The following SYK variants were observed in gnomAD, a reference collection of about 807,000 sequenced individuals.
SYK encodes the protein spleen associated tyrosine kinase.
In SYK, 16 loss-of-function variants were observed where a neutral mutation model predicts 77.8. That is an observed-to-expected ratio of 0.21 (90% CI 0.14 to 0.31). The LOEUF (loss-of-function observed/expected upper bound fraction) is 0.31. Ranked by LOEUF, SYK falls within the 10% of genes least tolerant of loss-of-function variation. The pLI, the probability that SYK is intolerant of heterozygous loss-of-function variation, is 1.00. For missense variants in SYK, 529 were observed against 814.4 expected, an observed-to-expected ratio of 0.65 and a Z score of 4.26; for synonymous variants, 312 against 308.7, an observed-to-expected ratio of 1.01 and a Z score of -0.11.
At chr9:90,840,558 A>G (rs77695434) in intron 1 of SYK, among the ~76,000 whole-genome samples, 1 of 151,100 alleles carries the variant, frequency 6.6e-6, no homozygotes, top group Non-Finnish European at 1.5e-5. Flanking sequence ...CTCTTCTAAA[A>G]AAAAAAAAAA....
intron 1 of SYK, among the ~76,000 whole-genome samples, chr9:90,841,628 G>A (rs1826350419): frequency 2.7e-5 from 4 of 150,906 alleles, no homozygotes; most frequent in African/African-American, 7.3e-5. Flanking sequence ...TGTGTGTAGT[G>A]TGTATGTAGT....
intron 11 of SYK, among the ~76,000 whole-genome samples, chr9:90,887,230 T>C (rs543402991): frequency 1.7e-4 from 26 of 152,296 alleles, no homozygotes; most frequent in African/African-American, 6.3e-4. Flanking sequence ...CTCATGCATA[T>C]TGTAGTGAAT....
In SYK at chr9:90,887,802, C is replaced by G. The variant is rs776473897; in HGVS notation, c.1635C>G (p.Asn545Lys). ...AGTGGTACGCTCCGGAATGCATCAA[C>G]TACTACAAGTTCTCCAGCAAAAGCG... The part of the protein sequence containing the change: ...PVKWYAPECI[N>K]YYKFSSKSDV... The change falls in exon 12 of 14, where the codon AAC (asparagine) becomes AAG (lysine). Residue 545 changes from asparagine to lysine, a missense_variant. By Grantham distance (94) the Asn-to-Lys change is moderately conservative (BLOSUM62 0). Coordinates refer to ENST00000375754, the MANE Select transcript of SYK (RefSeq NM_003177.7). 1 of 1,613,814 alleles carries G rather than the reference C, an allele frequency of 6.2e-7. No individual in the cohort carries two copies. The highest frequency in any genetic ancestry group is 8.5e-7 in the Non-Finnish European group (1 of 1,179,892).
At chr9:90,864,064 T>C (rs1368855353) in intron 4 of SYK, among the ~76,000 whole-genome samples, 1 of 152,228 alleles carries the variant, frequency 6.6e-6, no homozygotes, top group Non-Finnish European at 1.5e-5. Context: ...TTCCCATGCA[T>C]GATTTCATTG....
chr9:90,841,675 AGTTT>A (rs1398023716), intron 1 of SYK, among the ~76,000 whole-genome samples: 1 of 144,792 alleles, frequency 6.9e-6, no homozygotes, highest in Non-Finnish European at 1.5e-5. Flanking sequence ...GTGTGTATGT[AGTTT>A]GTGTGTGATA....
At position 90,895,740 on chromosome 9, in the gene SYK, A is replaced by G. The variant is rs1813029454; in HGVS notation, c.*140A>G. 2.7e-6 allele frequency: 2 copies of G among 739,522 alleles called. No individual in the cohort carries two copies. The allele number at this position is 739,522 out of a possible 1,614,324, so 45.8% of individuals were successfully genotyped here. ...GGATGGAACATGCCCACAACTTGTC[A>G]CCCAAAGCCTGTCCCAGGACTCACC... On this transcript the variant is annotated 3_prime_UTR_variant, in exon 14 of 14. Transcript: ENST00000375754. The surrounding 1 kb of genome is among the most constrained non-coding windows in gnomAD (Gnocchi z 4.4).
chr9:90,865,064 A>G lies in SYK; in HGVS notation c.813A>G (p.Gly271=). ...KIGTQGNVNF[G]GRPQLPGSHP... ...TCTAACCAGGAAATGTTAATTTTGG[A>G]GGCCGTCCACAACTTCCAGGTTCCC... Residue 271 remains glycine, a synonymous_variant, in exon 6 of 14, where the codon GGA becomes GGG. Coordinates refer to ENST00000375754, the MANE Select transcript of SYK (RefSeq NM_003177.7). 6.2e-7 allele frequency: 1 copy of G among 1,614,162 alleles called. No individual in the cohort carries two copies. Among genetic ancestry groups the G allele is most frequent in the Non-Finnish European group, 8.5e-7 (1 of 1,180,018 alleles).
chr9:90,869,103 G>A (rs1259095826), intron 7 of SYK, among the ~76,000 whole-genome samples: 3 of 152,172 alleles, frequency 2.0e-5, no homozygotes, highest in Admixed American at 6.5e-5. Context: ...GGCAATGCTG[G>A]TTGCCTCTGG....
At chr9:90,884,714 CATATACACATAT>C (rs1828414717) in intron 11 of SYK, among the ~76,000 whole-genome samples, 1 of 41,290 alleles carries the variant, frequency 2.4e-5, no homozygotes, top group African/African-American at 1.4e-4. Flanking sequence ...TACATATACA[CATATACACATAT>C]GTGTACATGT....
intron 1 of SYK, among the ~76,000 whole-genome samples, chr9:90,802,605 G>C (rs909817201): frequency 3.3e-5 from 5 of 151,966 alleles, no homozygotes; most frequent in African/African-American, 9.7e-5. Flanking sequence ...TGGCAATGTG[G>C]CTCCAAAACC....
chr9:90,897,185 T>G lies in SYK; in HGVS notation c.*1585T>G, dbSNP rs1829022889. Reference sequence around the variant, plus strand: ...CAGCAGGCCCTCCTCTAACAGGGGATGCAAGGCATGGAGAAAGACAATCAG... The same window carrying G: ...CAGCAGGCCCTCCTCTAACAGGGGAGGCAAGGCATGGAGAAAGACAATCAG... On this transcript the variant is annotated 3_prime_UTR_variant, in exon 14 of 14. Transcript: ENST00000375754. 4.3e-6 allele frequency: 1 copy of G among 231,240 alleles called. No homozygotes were observed. The highest frequency in any genetic ancestry group is 5.6e-5 in the Admixed American group (1 of 17,720). The allele number at this position is 231,240 out of a possible 1,614,324, so 14.3% of individuals were successfully genotyped here.
chr9:90,873,423 A>T (rs1827806164), intron 7 of SYK, among the ~76,000 whole-genome samples: 1 of 152,196 alleles, frequency 6.6e-6, no homozygotes, highest in African/African-American at 2.4e-5. Flanking sequence ...AATTTGGAAG[A>T]AAGGGTGGGT....
chr9:90,883,091 C>T (rs1828219102), intron 11 of SYK, among the ~76,000 whole-genome samples: 1 of 152,114 alleles, frequency 6.6e-6, no homozygotes, highest in Non-Finnish European at 1.5e-5. Context: ...GAACCAAGTC[C>T]CCAAAGGACT....
intron 1 of SYK, among the ~76,000 whole-genome samples, chr9:90,813,707 A>G (rs1353900893): frequency 2.0e-5 from 3 of 152,212 alleles, no homozygotes; most frequent in Non-Finnish European, 4.4e-5. Context: ...ATAAATAGCT[A>G]CTGGTTACCA....
chr9:90,845,365 G>A, intron 2 of SYK, 69 bp from the exon 3 acceptor site: 1 of 1,523,284 alleles, frequency 6.6e-7, no homozygotes, highest in Non-Finnish European at 8.9e-7. Flanking sequence ...AGATAGATTG[G>A]AAATGCCTTC....
chr9:90,841,773 A>G (rs926997919), intron 1 of SYK, among the ~76,000 whole-genome samples: 3 of 143,518 alleles, frequency 2.1e-5, no homozygotes, highest in African/African-American at 7.9e-5. Context: ...TGATGTGTGT[A>G]GTACATGGTG....
chr9:90,831,620 C>T (rs1175592576), intron 1 of SYK, among the ~76,000 whole-genome samples: 1 of 152,142 alleles, frequency 6.6e-6, no homozygotes, highest in East Asian at 1.9e-4. Flanking sequence ...GATTCCATAT[C>T]TCCGCATTCA....
At chr9:90,836,445 C>T (rs776417508) in intron 1 of SYK, among the ~76,000 whole-genome samples, 10 of 152,106 alleles carry the variant, frequency 6.6e-5, no homozygotes, top group Non-Finnish European at 1.2e-4. Flanking sequence ...ATGCCATTCA[C>T]AGTCGAGGAA....
chr9:90,842,034 T>C (rs1826379360), intron 1 of SYK, among the ~76,000 whole-genome samples: 1 of 137,332 alleles, frequency 7.3e-6, no homozygotes, highest in Admixed American at 7.3e-5. Context: ...GTTGTGTGTG[T>C]GGTGTACGTG....
Sources: allele counts gnomAD v4.1 joint callset (sites outside exome capture counted in the v4.1 genomes callset), GRCh38; gene constraint gnomAD v4.1.1; non-coding constraint Gnocchi (gnomAD v3.1); transcripts MANE v1.5; gene names NCBI Gene and HGNC (gene_info 2026-07-23, HGNC 2026-07-21).